The following C9 variants were observed in gnomAD, a reference collection of about 807,000 sequenced individuals.
The protein encoded by C9 is complement component C9.
C9 carries 63 observed loss-of-function variants against 65.4 expected under a neutral mutation model. That is an observed-to-expected ratio of 0.96 (90% confidence interval 0.79 to 1.19). C9 has a LOEUF of 1.19. Ranked by LOEUF, C9 falls within the 50% of genes most tolerant of loss-of-function variation. C9 has a pLI of 0.00. For missense variants in C9, 744 were observed against 670.1 expected (o/e 1.11, Z -1.22); for synonymous variants, 229 against 227.9 (o/e 1.00, Z -0.04).
intron 9 of C9, among the ~76,000 whole-genome samples, chr5:39,294,715 T>C (rs564363105): frequency 6.6e-6 from 1 of 151,948 alleles, no homozygotes; most frequent in Non-Finnish European, 1.5e-5. Flanking sequence ...ACTCATTTTA[T>C]GAGACCAGCA....
At chr5:39,346,537 C>T (rs1291795157) in intron 1 of C9, among the ~76,000 whole-genome samples, 1 of 152,106 alleles carries the variant, frequency 6.6e-6, no homozygotes, top group Non-Finnish European at 1.5e-5. Flanking sequence ...TAATAGCCTA[C>T]CAACCAAAAA....
At chr5:39,327,782 T>C (rs696757) in intron 5 of C9, among the ~76,000 whole-genome samples, 2,742 of 152,126 alleles carry the variant, frequency 0.018, 85 homozygotes, top group African/African-American at 0.063. Flanking sequence ...AAGAAGAATA[T>C]ATAGAGAGAA....
At chr5:39,359,957 TGTA>T (rs1358045749) in intron 1 of C9, among the ~76,000 whole-genome samples, 3 of 152,234 alleles carry the variant, frequency 2.0e-5, no homozygotes, top group Admixed American at 2.0e-4. Context: ...TTTGGCCAAA[TGTA>T]GTTCATAAAT....
intron 7 of C9, among the ~76,000 whole-genome samples, chr5:39,310,930 G>C (rs1029614628): frequency 6.6e-6 from 1 of 152,186 alleles, no homozygotes; most frequent in Non-Finnish European, 1.5e-5. Flanking sequence ...GTTGAGTAGA[G>C]TATGACCAAG....
intron 9 of C9, among the ~76,000 whole-genome samples, chr5:39,299,465 T>G (rs1753244274): frequency 6.6e-6 from 1 of 152,120 alleles, no homozygotes; most frequent in Admixed American, 6.6e-5. Flanking sequence ...AACTGTTTAA[T>G]CTATATCATG....
intron 9 of C9, among the ~76,000 whole-genome samples, chr5:39,301,626 T>C (rs950888068): frequency 1.3e-5 from 2 of 152,140 alleles, no homozygotes; most frequent in African/African-American, 4.8e-5. Flanking sequence ...TTCTGCAATA[T>C]TACTATCTGC....
At position 39,341,215 on chromosome 5, in the gene C9, C is replaced by T. The variant is rs200040673; in HGVS notation, c.407G>A (p.Ser136Asn). 77 of 1,614,192 alleles carry T rather than the reference C, an allele frequency of 4.8e-5. No individual in the cohort carries two copies. In the Admixed American group the frequency reaches 6.3e-4, roughly 13 times the overall value. Residue 136 changes from serine (S) to asparagine (N), a missense_variant, in exon 4 of 11, where the codon AGT (serine) becomes AAT (asparagine). By Grantham distance (46) the Ser-to-Asn change is conservative (BLOSUM62 1). Coordinates refer to ENST00000263408, the MANE Select transcript of C9 (RefSeq NM_001737.5). ...GTCTCTGCAGGGGGGACGGGGCTCACTTTCACAATCATCCTCATCTGAAAA... is the reference window on the plus strand; with the variant it reads ...GTCTCTGCAGGGGGGACGGGGCTCATTTTCACAATCATCCTCATCTGAAAA... ...GDFSDEDDCE[S>N]EPRPPCRDRV...
At chr5:39,321,593 T>C (rs562253719) in intron 5 of C9, among the ~76,000 whole-genome samples, 17 of 152,138 alleles carry the variant, frequency 1.1e-4, no homozygotes, top group African/African-American at 3.4e-4. Context: ...TTATCTTAAA[T>C]GTACTCAATC....
At chr5:39,340,723 C>T (rs927962891) in intron 4 of C9, among the ~76,000 whole-genome samples, 7 of 152,158 alleles carry the variant, frequency 4.6e-5, no homozygotes, top group African/African-American at 1.2e-4. Flanking sequence ...CTCCCAAGAT[C>T]CAGGAGAAGT....
Position 39,284,932 on chromosome 5 carries a change from A to G in C9, c.*267T>C, listed in dbSNP as rs1249144222. 4.5e-6 allele frequency: 2 copies of G among 442,682 alleles called. No individual in the cohort carries two copies. Among genetic ancestry groups the G allele is most frequent in the Non-Finnish European group, 8.1e-6 (2 of 246,796 alleles). 27.4% of individuals were successfully genotyped at this position (442,682 alleles called of 1,614,324 possible). A position where few individuals can be genotyped will look rare whatever the true frequency, so the allele number is the denominator to read the frequency against. On this transcript the variant is annotated 3_prime_UTR_variant, in exon 11 of 11. Transcript: ENST00000263408. ...TTAATTTTGTTTTTTTTTAGAAGAGATTGGCATTTTCCGTGGGATAAAGCA... is the reference window on the plus strand; with the variant it reads ...TTAATTTTGTTTTTTTTTAGAAGAGGTTGGCATTTTCCGTGGGATAAAGCA...
At chr5:39,288,197 CA>C (rs1753026192) in intron 10 of C9, among the ~76,000 whole-genome samples, 1 of 151,654 alleles carries the variant, frequency 6.6e-6, no homozygotes, top group African/African-American at 2.4e-5. Flanking sequence ...TGGAAAGATA[CA>C]TACCAACTTA....
In C9 at chr5:39,308,406, T is replaced by C. The variant is rs1561337460; in HGVS notation, c.1112-48A>G. The C allele has an allele frequency of 2.1e-6, 3 of 1,446,456 alleles. No homozygotes were observed. The Admixed American group carries it at 5.0e-5, about 24-fold the overall frequency. 89.6% of individuals were successfully genotyped at this position (1,446,456 alleles called of 1,614,324 possible). A position where few individuals can be genotyped will look rare whatever the true frequency, so the allele number is the denominator to read the frequency against. Reference sequence around the variant, plus strand: ...AATTATTAGATAATGTCTACCAACATCACAAATAAATTCCAATTTTGCTAT... The same window carrying C: ...AATTATTAGATAATGTCTACCAACACCACAAATAAATTCCAATTTTGCTAT... On this transcript the variant is annotated intron_variant, in intron 7 of 10. Coordinates refer to ENST00000263408, the MANE Select transcript of C9 (RefSeq NM_001737.5).
rs186504665 is a variant in C9, at chr5:39,298,935, T to A, written c.1416+7682A>T. ...ATTCACCATAACAACTTATTAAAAG[T>A]GAAAAACCATATGATCATCTCAATA... On this transcript the variant is annotated intron_variant, in intron 9 of 10. Transcript: ENST00000263408. 2.2e-3 allele frequency among the ~76,000 whole-genome samples: 338 copies of A among 151,868 alleles called. 6 individuals carry two copies. Among genetic ancestry groups the A allele is most frequent in the Admixed American group, 0.019 (295 of 15,228 alleles).
At chr5:39,289,753 A>G (rs1276148895) in intron 9 of C9, among the ~76,000 whole-genome samples, 1 of 151,832 alleles carries the variant, frequency 6.6e-6, no homozygotes, top group African/African-American at 2.4e-5. Context: ...GAGCCTGAAC[A>G]ATAAGGTTAT....
At chr5:39,333,066 G>A (rs1284095831) in intron 4 of C9, among the ~76,000 whole-genome samples, 1 of 152,138 alleles carries the variant, frequency 6.6e-6, no homozygotes, top group Non-Finnish European at 1.5e-5. Context: ...CATGAAAAAT[G>A]CTATGGCCTT....
Position 39,360,015 on chromosome 5 carries a change from G to A in C9, c.77+4373C>T, listed in dbSNP as rs183311128. On this transcript the variant is annotated intron_variant, in intron 1 of 10. Transcript: ENST00000263408. Reference sequence around the variant, plus strand: ...TGGAATATAAAAATGAAAAACTTAGGCAAATATAACCAAAGTAGGAGGAAA... The same window carrying A: ...TGGAATATAAAAATGAAAAACTTAGACAAATATAACCAAAGTAGGAGGAAA... Among the ~76,000 whole-genome samples, 246 of 152,170 alleles carry A rather than the reference G, an allele frequency of 1.6e-3. 6 individuals carry two copies. Among genetic ancestry groups the A allele is most frequent in the African/African-American group, 5.4e-3 (226 of 41,510 alleles).
chr5:39,330,939 T>A (rs1320646669), intron 5 of C9, among the ~76,000 whole-genome samples: 3 of 152,226 alleles, frequency 2.0e-5, no homozygotes, highest in East Asian at 3.8e-4. Context: ...AAGAGCCCTG[T>A]AATAACTGAA....
At chr5:39,302,009 A>C (rs1216666177) in intron 9 of C9, among the ~76,000 whole-genome samples, 2 of 152,032 alleles carry the variant, frequency 1.3e-5, no homozygotes, top group Non-Finnish European at 2.9e-5. Context: ...CCTTCAAAGG[A>C]AAGTCAAGGC....
rs201571206 is a variant in C9, at chr5:39,297,029, TG to T, written c.1417-8079del. The stretch of plus-strand genomic sequence containing the variant: ...GAAAGAGCATACTGAAAGGGATATT[TG>T]TTAAAAGATACAACATTACAACTAC... On this transcript the variant is annotated intron_variant, in intron 9 of 10. Coordinates refer to ENST00000263408, the MANE Select transcript of C9 (RefSeq NM_001737.5). Among the ~76,000 whole-genome samples, 979 of 151,650 alleles carry T rather than the reference TG, an allele frequency of 6.5e-3. 16 individuals are homozygous for T. The highest frequency in any genetic ancestry group is 0.022 in the African/African-American group (928 of 41,500).
Sources: gnomAD v4.1 joint callset for allele counts (sites outside exome capture counted in the v4.1 genomes callset) on GRCh38, gnomAD v4.1.1 for gene constraint, MANE v1.5 for transcripts, NCBI Gene and HGNC (gene_info 2026-07-23, HGNC 2026-07-21) for gene names.